The following MAL2 variants were observed in gnomAD, a reference collection of about 807,000 sequenced individuals.
The protein encoded by MAL2 is protein MAL2.
In MAL2, 17 loss-of-function variants were observed where a neutral mutation model predicts 18.1. That is an observed-to-expected ratio of 0.94 (90% CI 0.64 to 1.41). MAL2 has a LOEUF of 1.41. MAL2 is among the 40% of genes most tolerant of loss of function. The probability of loss-of-function intolerance (pLI) is 0.00; values close to 1 mark genes in which losing one functional copy is unlikely to be tolerated. For missense variants in MAL2, 222 were observed against 231.9 expected, an observed-to-expected ratio of 0.96 and a Z score of 0.28; for synonymous variants, 102 against 102.3, an observed-to-expected ratio of 1.00 and a Z score of 0.02.
chr8:119,222,732 G>A (rs1417917471), intron 2 of MAL2, among the ~76,000 whole-genome samples: 1 of 151,448 alleles, frequency 6.6e-6, no homozygotes, highest in African/African-American at 2.4e-5. Flanking sequence ...GGAAGTTGAG[G>A]CAGGAGGATC....
chr8:119,241,806 G>A (rs1223749767), intron 3 of MAL2, among the ~76,000 whole-genome samples: 2 of 152,008 alleles, frequency 1.3e-5, no homozygotes, highest in Non-Finnish European at 2.9e-5. Context: ...AAGAAATAAA[G>A]GTTTTATTTA....
At chr8:119,227,414 A>G (rs1258281487) in intron 2 of MAL2, among the ~76,000 whole-genome samples, 2 of 152,202 alleles carry the variant, frequency 1.3e-5, no homozygotes, top group African/African-American at 2.4e-5. Context: ...TACGCTCTAC[A>G]AAGTCTTGAC....
At position 119,218,760 on chromosome 8, in the gene MAL2, G is replaced by T. The variant is rs1311608548; in HGVS notation, c.133-2827G>T. ...AGGATCATATAGCCTCCTCTTTAGA[G>T]GTGTGAATGTATCATCATCCCTAAC... On this transcript the variant is annotated intron_variant, in intron 1 of 3. Transcript: ENST00000614891. Among the ~76,000 whole-genome samples, 5 of 152,172 alleles carry T rather than the reference G, an allele frequency of 3.3e-5. No homozygotes were observed. The East Asian group carries it at 9.6e-4, about 29-fold the overall frequency.
rs77059183 is a variant in MAL2, at chr8:119,221,126, C to T, written c.133-461C>T. ...ATTCTATCCATTTTTTTTACTAACT[C>T]TCTAAGAAGCAATGAGATCAAAAGC... On this transcript the variant is annotated intron_variant, in intron 1 of 3. Coordinates refer to ENST00000614891, the MANE Select transcript of MAL2 (RefSeq NM_052886.3). 7.9e-3 allele frequency: 1,249 copies of T among 157,292 alleles called. 16 individuals carry two copies. Among genetic ancestry groups the T allele is most frequent in the African/African-American group, 0.026 (1,100 of 41,578 alleles). The allele number at this position is 157,292 out of a possible 1,614,324, so 9.7% of individuals were successfully genotyped here. A position where few individuals can be genotyped will look rare whatever the true frequency, so the allele number is the denominator to read the frequency against.
chr8:119,217,417 G>T (rs1025824005), intron 1 of MAL2, among the ~76,000 whole-genome samples: 2 of 152,186 alleles, frequency 1.3e-5, no homozygotes. Context: ...GGGAGATGCT[G>T]ATACCTACTC....
chr8:119,221,868 G>A (rs959700533), intron 2 of MAL2, 111 bp downstream of exon 2: 11 of 1,165,974 alleles, frequency 9.4e-6, no homozygotes, highest in South Asian at 3.1e-5. Flanking sequence ...GGAGAGAAGC[G>A]GTCCAACCAC....
chr8:119,233,814 T>G (rs1817795611), intron 2 of MAL2, among the ~76,000 whole-genome samples: 1 of 151,994 alleles, frequency 6.6e-6, no homozygotes. Flanking sequence ...GAATCCTCCC[T>G]AACTCATTTT....
At position 119,243,953 on chromosome 8, in the gene MAL2, GT is replaced by G. The variant is rs1563780764; in HGVS notation, c.*466del. ...CACTTTTTTTAGAATGGGCCAGATG[GT>G]AAATATTTATGCTTCACGGTCCATA... On this transcript the variant is annotated 3_prime_UTR_variant, in exon 4 of 4. Coordinates refer to ENST00000614891, the MANE Select transcript of MAL2 (RefSeq NM_052886.3). 1 of 152,660 alleles carries G rather than the reference GT, an allele frequency of 6.6e-6. No homozygotes were observed. Among genetic ancestry groups the G allele is most frequent in the Non-Finnish European group, 1.5e-5 (1 of 68,478 alleles). The allele number at this position is 152,660 out of a possible 1,614,324, so 9.5% of individuals were successfully genotyped here.
In MAL2 at chr8:119,243,703, CCT is replaced by C. The variant is rs1818096244; in HGVS notation, c.*216_*217del. The C allele has an allele frequency of 5.2e-6, 2 of 382,360 alleles. No individual in the cohort carries two copies. The highest frequency in any genetic ancestry group is 4.5e-5 in the Admixed American group (1 of 22,192). The allele number at this position is 382,360 out of a possible 1,614,324, so 23.7% of individuals were successfully genotyped here. ...ATGGCCTTTTATTTTACATCTCTCC[CCT>C]TTTTCCCTTTCCCCCTTTATTTTCC... On this transcript the variant is annotated 3_prime_UTR_variant, in exon 4 of 4. Coordinates refer to ENST00000614891, the MANE Select transcript of MAL2 (RefSeq NM_052886.3).
intron 2 of MAL2, among the ~76,000 whole-genome samples, chr8:119,229,817 C>T (rs1357966539): frequency 6.6e-6 from 1 of 152,096 alleles, no homozygotes; most frequent in Middle Eastern, 3.2e-3. Context: ...GTTTTTTTCT[C>T]CTTCACGTGG....
At chr8:119,242,369 C>T (rs563672774) in intron 3 of MAL2, among the ~76,000 whole-genome samples, 1 of 152,262 alleles carries the variant, frequency 6.6e-6, no homozygotes, top group Non-Finnish European at 1.5e-5. Flanking sequence ...CCTCTACATG[C>T]TTCAAGTTCA....
intron 2 of MAL2, among the ~76,000 whole-genome samples, chr8:119,228,009 T>A (rs930915286): frequency 2.0e-5 from 3 of 149,310 alleles, no homozygotes; most frequent in South Asian, 4.2e-4. Context: ...TGTTTGTTTT[T>A]AGTCACAATT....
At chr8:119,227,859 C>T (rs186203228) in intron 2 of MAL2, among the ~76,000 whole-genome samples, 9 of 152,212 alleles carry the variant, frequency 5.9e-5, no homozygotes, top group Non-Finnish European at 8.8e-5. Flanking sequence ...CATCTTCTTC[C>T]ACTGACCATT....
At chr8:119,229,220 G>C (rs1817657171) in intron 2 of MAL2, among the ~76,000 whole-genome samples, 1 of 151,962 alleles carries the variant, frequency 6.6e-6, no homozygotes, top group Non-Finnish European at 1.5e-5. Context: ...CCTTGTCCCT[G>C]AAGCTTTGAA....
chr8:119,229,315 T>C (rs1408324536), intron 2 of MAL2, among the ~76,000 whole-genome samples: 3 of 33,378 alleles, frequency 9.0e-5, no homozygotes, highest in Non-Finnish European at 1.6e-4. Context: ...GTGGGCCTCT[T>C]TTTTTTTTTT....
At position 119,244,757 on chromosome 8, in the gene MAL2, C is replaced by G. The variant is rs1045434004; in HGVS notation, c.*1269C>G. On this transcript the variant is annotated 3_prime_UTR_variant, in exon 4 of 4. Coordinates refer to ENST00000614891, the MANE Select transcript of MAL2 (RefSeq NM_052886.3). ...GACAAAATCTGTTTTAAAATCATAT[C>G]CAGCACAAAAACTATTTCTGGCTGA... 1.3e-5 allele frequency: 2 copies of G among 152,284 alleles called. No homozygotes were observed. The highest frequency in any genetic ancestry group is 6.6e-5 in the Admixed American group (1 of 15,246). The allele number at this position is 152,284 out of a possible 1,614,324, so 9.4% of individuals were successfully genotyped here.
chr8:119,216,717 G>A (rs757225651), intron 1 of MAL2, among the ~76,000 whole-genome samples: 19 of 152,130 alleles, frequency 1.2e-4, no homozygotes, highest in Non-Finnish European at 2.4e-4. Context: ...AGCTTAATAC[G>A]GAAAGTTCTA....
In MAL2 at chr8:119,216,456, C is replaced by CT. The variant is rs558956468; in HGVS notation, c.133-5130dup. Among the ~76,000 whole-genome samples, 246 of 152,282 alleles carry CT rather than the reference C, an allele frequency of 1.6e-3. 2 individuals carry two copies. The highest frequency in any genetic ancestry group is 5.6e-3 in the African/African-American group (232 of 41,556). The stretch of plus-strand genomic sequence containing the variant: ...TATAAAGTAGGAATAATAATGTTGT[C>CT]TCTCAAGGTCTGTGAGGATTAAATT... On this transcript the variant is annotated intron_variant, in intron 1 of 3. Transcript: ENST00000614891.
At chr8:119,243,337 T>G (rs1264764418) in intron 3 of MAL2, 80 bp from the exon 4 acceptor site, 2 of 1,029,750 alleles carry the variant, frequency 1.9e-6, no homozygotes, top group Admixed American at 6.2e-5. Context: ...TTGGTCAAAC[T>G]TCATATGGTT....
Sources: allele counts gnomAD v4.1 joint callset (sites outside exome capture counted in the v4.1 genomes callset), GRCh38; gene constraint gnomAD v4.1.1; transcripts MANE v1.5; gene names NCBI Gene and HGNC (gene_info 2026-07-23, HGNC 2026-07-21).